ADAMTS6: variants seen among roughly 807,000 people sequenced by gnomAD.
ADAMTS6 encodes the protein A disintegrin and metalloproteinase with thrombospondin motifs 6.
Under a neutral mutation model 144.3 loss-of-function variants are expected in ADAMTS6, and 23 were observed. The ratio of observed to expected loss-of-function variants is 0.16; its 90% CI spans 0.11 to 0.23. The LOEUF is 0.23. Among genes scored for constraint, ADAMTS6 ranks in the 10% least tolerant of loss-of-function variants. ADAMTS6 has a pLI of 1.00. For missense variants in ADAMTS6, 999 were observed against 1,379.6 expected (o/e 0.72, Z 4.37); for synonymous variants, 444 against 457.5 (o/e 0.97, Z 0.38).
At chr5:65,342,100 T>A (rs749314128) in intron 7 of ADAMTS6, among the ~76,000 whole-genome samples, 44 of 152,140 alleles carry the variant, frequency 2.9e-4, no homozygotes, top group Non-Finnish European at 4.7e-4. Context: ...CACATAATCA[T>A]CTCAATAGAT....
At chr5:65,277,376 T>C (rs534106290) in intron 11 of ADAMTS6, among the ~76,000 whole-genome samples, 15 of 152,308 alleles carry the variant, frequency 9.8e-5, no homozygotes, top group African/African-American at 3.6e-4. Flanking sequence ...TTGGTATTGC[T>C]CTATGATAAA....
intron 21 of ADAMTS6, among the ~76,000 whole-genome samples, chr5:65,194,640 GA>G (rs1395154097): frequency 1.3e-5 from 2 of 152,006 alleles, no homozygotes; most frequent in Non-Finnish European, 2.9e-5. Flanking sequence ...GACTAAAGAA[GA>G]AATTAAAAAG....
chr5:65,313,123 T>G (rs1254242002), intron 9 of ADAMTS6, among the ~76,000 whole-genome samples: 1 of 142,860 alleles, frequency 7.0e-6, no homozygotes, highest in Admixed American at 7.4e-5. Flanking sequence ...TTTTATTATT[T>G]CTGCAACACA....
chr5:65,218,639 T>C (rs1757094791), intron 18 of ADAMTS6, among the ~76,000 whole-genome samples: 1 of 152,168 alleles, frequency 6.6e-6, no homozygotes, highest in Non-Finnish European at 1.5e-5. Context: ...CACATATTTA[T>C]AATAGATGGA....
intron 7 of ADAMTS6, among the ~76,000 whole-genome samples, chr5:65,334,868 C>T (rs933405121): frequency 6.6e-6 from 1 of 151,990 alleles, no homozygotes; most frequent in Admixed American, 6.6e-5. Flanking sequence ...TCCTTGTAAA[C>T]ATTTTTAAAA....
intron 7 of ADAMTS6, among the ~76,000 whole-genome samples, chr5:65,357,683 A>G (rs1561459472): frequency 6.6e-6 from 1 of 151,800 alleles, no homozygotes; most frequent in African/African-American, 2.4e-5. Context: ...AGAACTATAA[A>G]AGATCCTAAA....
chr5:65,368,269 A>G (rs534324150), intron 7 of ADAMTS6, among the ~76,000 whole-genome samples: 8 of 152,210 alleles, frequency 5.3e-5, no homozygotes, highest in Non-Finnish European at 1.2e-4. Flanking sequence ...TTCACCAGCA[A>G]CAGCATTTCT....
In ADAMTS6 at chr5:65,188,086, C is replaced by T. The variant is rs1272612301; in HGVS notation, c.2840G>A (p.Arg947Gln). 3 of 1,614,002 alleles carry T rather than the reference C, an allele frequency of 1.9e-6. No homozygotes were observed. The highest frequency in any genetic ancestry group is 2.5e-6 in the Non-Finnish European group (3 of 1,180,006). The change falls in exon 22 of 25, where the codon CGG becomes CAG. Residue 947 changes from arginine (R) to glutamine (Q), a missense_variant. This residue lies in a region of ADAMTS6 where 619 missense variants were observed against 837.0 expected (regional missense o/e 0.74). Coordinates refer to ENST00000381055, the MANE Select transcript of ADAMTS6 (RefSeq NM_197941.4). ...GTTGCAGGGCTCTTTTTCGACAGGC[C>T]GGTGTGTTAAACAACCACTGTAGTC... is the stretch of plus-strand genomic sequence containing the variant. ...TLDYSGCLTHRPVEKEPCNNQ... is the reference protein window; with the variant it reads ...TLDYSGCLTHQPVEKEPCNNQ...
chr5:65,449,211 G>C (rs1758535305), intron 7 of ADAMTS6, among the ~76,000 whole-genome samples: 1 of 152,152 alleles, frequency 6.6e-6, no homozygotes, highest in Non-Finnish European at 1.5e-5. Context: ...TCTAACCTCT[G>C]TTACATTAGC....
chr5:65,284,325 AG>A (rs1160832482), intron 11 of ADAMTS6, among the ~76,000 whole-genome samples: 1 of 152,102 alleles, frequency 6.6e-6, no homozygotes, highest in Non-Finnish European at 1.5e-5. Context: ...ATATTCAGGT[AG>A]GCACAGCTTG....
At chr5:65,251,620 T>G (rs1760167965) in intron 14 of ADAMTS6, 1 of 152,234 alleles carries the variant, frequency 6.6e-6, no homozygotes, top group Non-Finnish European at 1.5e-5. Flanking sequence ...TAGCTGCTTT[T>G]GAAGACTTTC....
chr5:65,321,330 T>C (rs1418569698), intron 9 of ADAMTS6, among the ~76,000 whole-genome samples: 2 of 152,144 alleles, frequency 1.3e-5, no homozygotes, highest in Non-Finnish European at 2.9e-5. Context: ...CATATATGTA[T>C]GTATGTATGT....
At chr5:65,481,171 A>G (rs1189264729) in intron 1 of ADAMTS6, among the ~76,000 whole-genome samples, 172 bp downstream of exon 1, 5 of 151,262 alleles carry the variant, frequency 3.3e-5, no homozygotes, top group Admixed American at 6.6e-5. Flanking sequence ...AGTTAAAAAG[A>G]TATCTATTTG....
chr5:65,313,948 T>C (rs556956067), intron 9 of ADAMTS6, among the ~76,000 whole-genome samples: 2 of 152,072 alleles, frequency 1.3e-5, no homozygotes, highest in East Asian at 3.9e-4. Flanking sequence ...CATTACCCAA[T>C]ACATCATGTC....
At chr5:65,460,034 T>C in intron 4 of ADAMTS6, 136 bp downstream of exon 4, 1 of 874,440 alleles carries the variant, frequency 1.1e-6, no homozygotes. Context: ...GTGACATCTA[T>C]TAAAAGGGCT....
At chr5:65,202,668 T>G (rs1399729158) in intron 20 of ADAMTS6, among the ~76,000 whole-genome samples, 1 of 152,232 alleles carries the variant, frequency 6.6e-6, no homozygotes, top group Non-Finnish European at 1.5e-5. Context: ...TATTACTGTC[T>G]GATTTCTCTT....
At chr5:65,226,675 T>A (rs1308256217) in intron 15 of ADAMTS6, among the ~76,000 whole-genome samples, 1 of 152,028 alleles carries the variant, frequency 6.6e-6, no homozygotes, top group Non-Finnish European at 1.5e-5. Context: ...AACCTCTGCC[T>A]CCTGAGTAGA....
chr5:65,372,334 C>T (rs575104663), intron 7 of ADAMTS6, among the ~76,000 whole-genome samples: 1 of 151,772 alleles, frequency 6.6e-6, no homozygotes, highest in East Asian at 1.9e-4. Context: ...GAGTCAAGAC[C>T]CATCAGTGTG....
intron 22 of ADAMTS6, 58 bp from the exon 23 acceptor site, chr5:65,173,066 A>G (rs1437803160): frequency 3.3e-6 from 5 of 1,533,312 alleles, no homozygotes; most frequent in Non-Finnish European, 4.4e-6. Flanking sequence ...GGAAAATTTG[A>G]AGAAAGTCTT....
Sources: gnomAD v4.1 joint callset for allele counts (sites outside exome capture counted in the v4.1 genomes callset) on GRCh38, gnomAD v4.1.1 for gene constraint, gnomAD v4.1.1 regional missense constraint, MANE v1.5 for transcripts, NCBI Gene and HGNC (gene_info 2026-07-23, HGNC 2026-07-21) for gene names.